Variants in ZNF680 observed in about 807,000 individuals in gnomAD.
ZNF680 encodes the protein hypothetical protein FLJ90430.
In ZNF680, 6 loss-of-function variants were observed where a neutral mutation model predicts 12.1. That is an observed-to-expected ratio of 0.49 (90% CI 0.27 to 0.98). The LOEUF (loss-of-function observed/expected upper bound fraction) is 0.98, where lower values mean the gene tolerates loss of function less well. Among genes scored for constraint, ZNF680 ranks in the 50% least tolerant of loss-of-function variants. The pLI is 0.12. For missense variants in ZNF680, 561 were observed against 616.3 expected, an observed-to-expected ratio of 0.91 and a Z score of 0.95; for synonymous variants, 170 against 199.3, an observed-to-expected ratio of 0.85 and a Z score of 1.24.
chr7:64,533,780 A>T (rs1236836787), intron 3 of ZNF680, among the ~76,000 whole-genome samples: 1 of 152,198 alleles, frequency 6.6e-6, no homozygotes, highest in East Asian at 1.9e-4. Flanking sequence ...TATAAGCCAT[A>T]GTTACCAGAA....
the ZNF680 span, among the ~76,000 whole-genome samples, chr7:64,510,839 G>A: frequency 8.7e-6 from 1 of 114,800 alleles, no homozygotes; most frequent in African/African-American, 3.4e-5. Context: ...GAACCCGGGA[G>A]GCGGAGCTTG....
In ZNF680 at chr7:64,544,400, T is replaced by C. The variant is rs747123903; in HGVS notation, c.63A>G (p.Glu21=). The C allele has an allele frequency of 1.9e-6, 3 of 1,602,146 alleles. No individual in the cohort carries two copies. The highest frequency in any genetic ancestry group is 3.4e-5 in the Admixed American group (2 of 59,564). ...GPLTFRDVAI[E]FSLEEWQCLD... ...GGCATTGCCACTCCTCCAGAGAGAATTCTATGGCCACATCCCTAAATGTCA... is the reference window on the plus strand; with the variant it reads ...GGCATTGCCACTCCTCCAGAGAGAACTCTATGGCCACATCCCTAAATGTCA... The change falls in exon 2 of 4, where the codon GAA becomes GAG. Residue 21 remains glutamate, a synonymous_variant. Coordinates refer to ENST00000309683, the MANE Select transcript of ZNF680 (RefSeq NM_178558.5).
At chr7:64,543,885 T>TGCTATGACATTCTCTTTA in intron 2 of ZNF680, 83 bp from the exon 3 acceptor site, 1 of 1,139,286 alleles carries the variant, frequency 8.8e-7, no homozygotes, top group Non-Finnish European at 1.3e-6. Context: ...AAAGAGAATG[T>TGCTATGACATTCTCTTTA]CATAGCATAT....
chr7:64,530,458 G>A (rs1785799701), intron 3 of ZNF680, among the ~76,000 whole-genome samples: 1 of 152,012 alleles, frequency 6.6e-6, no homozygotes, highest in African/African-American at 2.4e-5. Flanking sequence ...TAAAGTAAAG[G>A]GGTGGAAAAA....
intron 1 of ZNF680, among the ~76,000 whole-genome samples, chr7:64,551,245 G>C (rs530293967): frequency 6.6e-6 from 1 of 152,276 alleles, no homozygotes; most frequent in South Asian, 2.1e-4. Flanking sequence ...CCTGCTAAAG[G>C]TAGGCTCTCA....
intron 1 of ZNF680, among the ~76,000 whole-genome samples, chr7:64,562,138 A>AG (rs1235415525): frequency 6.6e-6 from 1 of 150,956 alleles, no homozygotes; most frequent in Non-Finnish European, 1.5e-5. Flanking sequence ...AGGCTGAGAC[A>AG]GGAGAATCAC....
chr7:64,505,458 A>C, the ZNF680 span, among the ~76,000 whole-genome samples: 1 of 152,200 alleles, frequency 6.6e-6, no homozygotes, highest in Non-Finnish European at 1.5e-5. Flanking sequence ...TTTTCATAAT[A>C]AGTTCAATTC....
rs1330806643 is a variant in ZNF680 at position 64,543,794 on chromosome 7, C to G, written c.166G>C (p.Val56Leu). Residue 56 changes from valine to leucine, a missense_variant, in exon 3 of 4, where the codon GTC becomes CTC. By Grantham distance (32) the Val-to-Leu change is conservative. Transcript: ENST00000309683. Reference sequence around the variant, plus strand: ...CAGGTTATCAGGTGAGGCTTAGAGACAGCAATACCTGTTTTATTAAAAATA... The same window carrying G: ...CAGGTTATCAGGTGAGGCTTAGAGAGAGCAATACCTGTTTTATTAAAAATA... ...YRNLVFLGIA[V>L]SKPHLITCLE... 6.2e-7 allele frequency: 1 copy of G among 1,612,506 alleles called. No homozygotes were observed. Among genetic ancestry groups the G allele is most frequent in the African/African-American group, 1.3e-5 (1 of 74,964 alleles).
downstream of ZNF680, among the ~76,000 whole-genome samples, chr7:64,516,643 C>G (rs1280273554): frequency 6.6e-6 from 1 of 152,162 alleles, no homozygotes; most frequent in South Asian, 2.1e-4. Flanking sequence ...ACAGAACATT[C>G]TAGCCAAAAA....
Position 64,520,833 on chromosome 7 carries a change from T to G in ZNF680, c.*328A>C. The G allele has an allele frequency of 4.8e-6, 1 of 208,422 alleles. No homozygotes were observed. The allele number at this position is 208,422 out of a possible 1,614,324, so 12.9% of individuals were successfully genotyped here. A position where few individuals can be genotyped will look rare whatever the true frequency, so the allele number is the denominator to read the frequency against. ...CACGCTTCTTCACTTTAAAGTGTTATGTTTTCTGAAATTTCTTTTGACAGT... is the reference window on the plus strand; with the variant it reads ...CACGCTTCTTCACTTTAAAGTGTTAGGTTTTCTGAAATTTCTTTTGACAGT... On this transcript the variant is annotated 3_prime_UTR_variant, in exon 4 of 4. Coordinates refer to ENST00000309683, the MANE Select transcript of ZNF680 (RefSeq NM_178558.5).
At chr7:64,537,085 T>C (rs948362013) in intron 3 of ZNF680, among the ~76,000 whole-genome samples, 2 of 152,096 alleles carry the variant, frequency 1.3e-5, no homozygotes, top group African/African-American at 4.8e-5. Flanking sequence ...CAATGATGAA[T>C]AAATCTAAGA....
At chr7:64,561,014 C>G (rs1361271000) in intron 1 of ZNF680, 3 of 152,050 alleles carry the variant, frequency 2.0e-5, no homozygotes, top group African/African-American at 7.2e-5. Context: ...ATTTGTCTTT[C>G]ACTCTTTTTT....
At chr7:64,537,465 GCA>G (rs1444189274) in intron 3 of ZNF680, among the ~76,000 whole-genome samples, 8 of 152,040 alleles carry the variant, frequency 5.3e-5, no homozygotes, top group Non-Finnish European at 7.4e-5. Context: ...AATCCCAATA[GCA>G]CAGTTTTTTT....
At position 64,557,321 on chromosome 7, in the gene ZNF680, C is replaced by T. The variant is rs528528399; in HGVS notation, c.30+5604G>A. On this transcript the variant is annotated intron_variant, in intron 1 of 3. Coordinates refer to ENST00000309683, the MANE Select transcript of ZNF680 (RefSeq NM_178558.5). The stretch of plus-strand genomic sequence containing the variant: ...CATGTAATCTCAGCACTTTGGGAGG[C>T]TGAGGCAGGCAGATCACAAGGTCAG... 4.6e-5 allele frequency among the ~76,000 whole-genome samples: 7 copies of T among 151,918 alleles called. 1 individual carries two copies. In the South Asian group the frequency reaches 8.3e-4, roughly 18 times the overall value.
chr7:64,549,639 T>C (rs541349722), intron 1 of ZNF680, among the ~76,000 whole-genome samples: 1 of 151,260 alleles, frequency 6.6e-6, no homozygotes, highest in African/African-American at 2.4e-5. Context: ...GATCCCCTTA[T>C]AGAGGATGCT....
chr7:64,552,922 T>G (rs1787160823), intron 1 of ZNF680, among the ~76,000 whole-genome samples: 1 of 152,112 alleles, frequency 6.6e-6, no homozygotes, highest in Non-Finnish European at 1.5e-5. Context: ...GGTCAGGAGT[T>G]CAAGACCAGC....
At chr7:64,515,523 C>A (rs181570387), downstream of ZNF680, among the ~76,000 whole-genome samples, 31 of 152,168 alleles carry the variant, frequency 2.0e-4, no homozygotes, top group Non-Finnish European at 1.5e-5. Context: ...AAGTCCCCAG[C>A]CCATGAGTCA....
At position 64,562,990 on chromosome 7, in the gene ZNF680, G is replaced by A. The variant is rs372716150; in HGVS notation, c.-36C>T. 6 of 1,612,464 alleles carry A rather than the reference G, an allele frequency of 3.7e-6. No individual in the cohort carries two copies. Among genetic ancestry groups the A allele is most frequent in the Non-Finnish European group, 5.1e-6 (6 of 1,178,886 alleles). On this transcript the variant is annotated 5_prime_UTR_variant, in exon 1 of 4. Coordinates refer to ENST00000309683, the MANE Select transcript of ZNF680 (RefSeq NM_178558.5). ...CATCTCCCAATACCTGCAGATAACG[G>A]AGTCACAGAGGCTGGGCCTCTAGGA... is the stretch of plus-strand genomic sequence containing the variant.
intron 1 of ZNF680, among the ~76,000 whole-genome samples, chr7:64,557,427 C>A (rs1787478706): frequency 1.3e-5 from 2 of 151,412 alleles, no homozygotes; most frequent in Admixed American, 1.3e-4. Context: ...TGTTGGCACG[C>A]ACCTGTAATC....
Sources: gnomAD v4.1 joint callset for allele counts (sites outside exome capture counted in the v4.1 genomes callset) on GRCh38, gnomAD v4.1.1 for gene constraint, MANE v1.5 for transcripts, NCBI Gene and HGNC (gene_info 2026-07-23, HGNC 2026-07-21) for gene names.